Variants in DERL3 observed in about 807,000 individuals in gnomAD.
The protein encoded by DERL3 is derlin-3.
In DERL3, 20 loss-of-function variants were observed where a neutral mutation model predicts 23.8. The ratio of observed to expected loss-of-function variants is 0.84; its 90% confidence interval spans 0.59 to 1.22. The LOEUF (loss-of-function observed/expected upper bound fraction) is 1.22, where lower values mean the gene tolerates loss of function less well. Among genes scored for constraint, DERL3 ranks in the 50% most tolerant of loss-of-function variants. The pLI is 0.00. For synonymous variants in DERL3, 145 were observed against 132.5 expected (o/e 1.09, Z -0.65); for missense variants, 319 against 304.1 (o/e 1.05, Z -0.36).
In DERL3 at chr22:23,838,340, C is replaced by A. The variant is rs770740955; in HGVS notation, c.327+12G>T. On this transcript the variant is annotated intron_variant, in intron 4 of 6. Transcript: ENST00000318109. ...CCCTAGCCCGAGGTTCCAGAGCCTG[C>A]GGGAAGGATACGGTCATAAGGACGC... 2 of 1,594,026 alleles carry A rather than the reference C, an allele frequency of 1.3e-6. No homozygotes were observed. The highest frequency in any genetic ancestry group is 2.3e-5 in the East Asian group (1 of 43,534).
At position 23,837,775 on chromosome 22, in the gene DERL3, C is replaced by A; in HGVS notation, c.407G>T (p.Ser136Ile). Residue 136 changes from serine to isoleucine, a missense_variant, in exon 5 of 7, where the codon AGC (serine) becomes ATC (isoleucine). By Grantham distance (142) the Ser-to-Ile change is moderately radical. Coordinates refer to ENST00000318109, the MANE Select transcript of DERL3 (RefSeq NM_001002862.3). The stretch of plus-strand genomic sequence containing the variant: ...GAAGAAGTTGACCCTCACCCGAGGG[C>A]TGCGGCGGCTCCACACGTACACCAG... ...AMLVYVWSRRSPRVRVNFFGL... is the reference protein window; with the variant it reads ...AMLVYVWSRRIPRVRVNFFGL... 1 of 1,613,968 alleles carries A rather than the reference C, an allele frequency of 6.2e-7. No homozygotes were observed. The highest frequency in any genetic ancestry group is 8.5e-7 in the Non-Finnish European group (1 of 1,180,018).
At position 23,835,527 on chromosome 22, in the gene DERL3, A is replaced by G. The variant is rs1240671631; in HGVS notation, c.*1342T>C. On this transcript the variant is annotated 3_prime_UTR_variant, in exon 7 of 7. Transcript: ENST00000318109. ...GTGAGAGGAGGGCTCCTTTGAGCAC[A>G]TGTTAGCATGGGACTCTTCCCAGGG... The G allele has an allele frequency of 5.1e-6, 5 of 985,404 alleles. No individual in the cohort carries two copies. In the African/African-American group the frequency reaches 5.2e-5, roughly 10 times the overall value. The allele number at this position is 985,404 out of a possible 1,614,324, so 61.0% of individuals were successfully genotyped here.
rs115165904 is a variant in DERL3, at chr22:23,835,385, T to C, written c.*1484A>G. On this transcript the variant is annotated 3_prime_UTR_variant, in exon 7 of 7. Transcript: ENST00000318109. Reference sequence around the variant, plus strand: ...CACCCTCAGCTGTTGGCAGGTCCCATGCTGCCAGGGCAGGGCTAGGGTCAG... The same window carrying C: ...CACCCTCAGCTGTTGGCAGGTCCCACGCTGCCAGGGCAGGGCTAGGGTCAG... 3,039 of 988,794 alleles carry C rather than the reference T, an allele frequency of 3.1e-3. 78 individuals are homozygous for C. The African/African-American group carries it at 0.049, about 16-fold the overall frequency. The allele number at this position is 988,794 out of a possible 1,614,324, so 61.3% of individuals were successfully genotyped here.
chr22:23,838,258 C>G, intron 4 of DERL3, 94 bp downstream of exon 4: 1 of 1,551,656 alleles, frequency 6.4e-7, no homozygotes, highest in Non-Finnish European at 8.7e-7. Context: ...GCGACTGTGT[C>G]CCTCTCTGGC....
Position 23,835,093 on chromosome 22 carries a change from G to A in DERL3, c.*1776C>T. The stretch of plus-strand genomic sequence containing the variant: ...GGGCCAGCTCCTGCCTTACAAGCCA[G>A]CTGTGAGGAATATGGGAATAGCCCT... On this transcript the variant is annotated 3_prime_UTR_variant, in exon 7 of 7. Transcript: ENST00000318109. 7.2e-7 allele frequency: 1 copy of A among 1,397,674 alleles called. No homozygotes were observed. Among genetic ancestry groups the A allele is most frequent in the Non-Finnish European group, 9.3e-7 (1 of 1,079,120 alleles). 86.6% of individuals were successfully genotyped at this position (1,397,674 alleles called of 1,614,324 possible).
rs753587193 is a variant in DERL3, at chr22:23,838,698, G to C, written c.159+13C>G. 1 of 1,548,802 alleles carries C rather than the reference G, an allele frequency of 6.5e-7. No individual in the cohort carries two copies. The highest frequency in any genetic ancestry group is 8.7e-7 in the Non-Finnish European group (1 of 1,145,914). ...GGTCGGGCCCACAGGTGCGCGGCGC[G>C]GGGCGGCCTCACCTGGAACTTCCGG... is the stretch of plus-strand genomic sequence containing the variant. On this transcript the variant is annotated intron_variant, in intron 2 of 6. Transcript: ENST00000318109.
intron 4 of DERL3, chr22:23,838,063 A>G: frequency 2.1e-6 from 3 of 1,455,120 alleles, no homozygotes; most frequent in Non-Finnish European, 2.7e-6. Flanking sequence ...CCAGGGCCCA[A>G]CCACTGCCTG....
At position 23,834,825 on chromosome 22, in the gene DERL3, C is replaced by T. The variant is rs2030908000; in HGVS notation, c.*2044G>A. 8 of 1,610,398 alleles carry T rather than the reference C, an allele frequency of 5.0e-6. No homozygotes were observed. The highest frequency in any genetic ancestry group is 1.1e-5 in the South Asian group (1 of 90,696). On this transcript the variant is annotated 3_prime_UTR_variant, in exon 7 of 7. Coordinates refer to ENST00000318109, the MANE Select transcript of DERL3 (RefSeq NM_001002862.3). ...CCCTAACCCTGCTCCCCTTGCTTGG[C>T]CTCAGGAAGGTGCCGCGAGCTCTCC... is the stretch of plus-strand genomic sequence containing the variant.
rs2031256741 is a variant in DERL3 at position 23,838,180 on chromosome 22, G to A, written c.327+172C>T. On this transcript the variant is annotated intron_variant, in intron 4 of 6. Coordinates refer to ENST00000318109, the MANE Select transcript of DERL3 (RefSeq NM_001002862.3). Reference sequence around the variant, plus strand: ...GGCTTTGTATTTTGCATACAGCACTGAAGATCTAGCCCTGACCCCTGCAGC... The same window carrying A: ...GGCTTTGTATTTTGCATACAGCACTAAAGATCTAGCCCTGACCCCTGCAGC... The A allele has an allele frequency of 7.8e-6, 12 of 1,544,808 alleles. No individual in the cohort carries two copies. The Middle Eastern group carries it at 5.0e-4, about 64-fold the overall frequency.
chr22:23,834,774 AG>A lies in DERL3; in HGVS notation c.*2094del, dbSNP rs2030901825. The A allele has an allele frequency of 7.4e-7, 1 of 1,346,574 alleles. No individual in the cohort carries two copies. The highest frequency in any genetic ancestry group is 9.7e-7 in the Non-Finnish European group (1 of 1,033,612). The allele number at this position is 1,346,574 out of a possible 1,614,324, so 83.4% of individuals were successfully genotyped here. A position where few individuals can be genotyped will look rare whatever the true frequency, so the allele number is the denominator to read the frequency against. ...AAGAGTAGCTGTGAGGCTCAGGGCA[AG>A]AGGCTCTCTGCCTTTCAGGAACAGC... On this transcript the variant is annotated 3_prime_UTR_variant, in exon 7 of 7. Coordinates refer to ENST00000318109, the MANE Select transcript of DERL3 (RefSeq NM_001002862.3).
Position 23,836,956 on chromosome 22 carries a change from CAG to C in DERL3, c.619_620del (p.Leu207AlafsTer16). Reference sequence around the variant, plus strand: ...GGTCTTCTGCAGGGGCATCCAGGAGCAGCTTTCTGTGGGGAGGGGCCCGTGTT... The same window carrying C: ...GGTCTTCTGCAGGGGCATCCAGGAGCCTTTCTGTGGGGAGGGGCCCGTGTT... Reference protein sequence around the residue: ...RLLQTPGFLKLLLDAPAEDPN... With the variant: ...RLLQTPGFLKXLLDAPAEDPN... On this transcript the variant is annotated frameshift_variant, in exon 7 of 7. Coordinates refer to ENST00000318109, the MANE Select transcript of DERL3 (RefSeq NM_001002862.3). LOFTEE classifies it low-confidence loss of function (END_TRUNC). The C allele has an allele frequency of 6.3e-7, 1 of 1,595,702 alleles. No homozygotes were observed. Among genetic ancestry groups the C allele is most frequent in the Non-Finnish European group, 8.5e-7 (1 of 1,171,608 alleles).
Position 23,835,939 on chromosome 22 carries a change from A to G in DERL3, c.*930T>C. 1.0e-6 allele frequency: 1 copy of G among 985,494 alleles called. No individual in the cohort carries two copies. Among genetic ancestry groups the G allele is most frequent in the Non-Finnish European group, 1.2e-6 (1 of 829,952 alleles). The allele number at this position is 985,494 out of a possible 1,614,324, so 61.0% of individuals were successfully genotyped here. A position where few individuals can be genotyped will look rare whatever the true frequency, so the allele number is the denominator to read the frequency against. On this transcript the variant is annotated 3_prime_UTR_variant, in exon 7 of 7. Transcript: ENST00000318109. The stretch of plus-strand genomic sequence containing the variant: ...TGGCTACAACACGGAGGGCAGACTC[A>G]ACAGAGAACAGTGTTGTTACCATGA...
rs751848498 is a variant in DERL3, at chr22:23,837,173, CTG to C, written c.524-21_524-20del. The C allele has an allele frequency of 1.9e-6, 3 of 1,613,038 alleles. No homozygotes were observed. ...GCAATCCCTGTGAGACAGCCACGGACTGTGGGGTCACCCTCCACAGCCCAGAG... is the reference window on the plus strand; with the variant it reads ...GCAATCCCTGTGAGACAGCCACGGACTGGGGTCACCCTCCACAGCCCAGAG... On this transcript the variant is annotated intron_variant, in intron 5 of 6. Coordinates refer to ENST00000318109, the MANE Select transcript of DERL3 (RefSeq NM_001002862.3).
rs2031002530 is a variant in DERL3, at chr22:23,835,829, C to T, written c.*1040G>A. The T allele has an allele frequency of 1.0e-6, 1 of 985,260 alleles. No homozygotes were observed. 61.0% of individuals were successfully genotyped at this position (985,260 alleles called of 1,614,324 possible). On this transcript the variant is annotated 3_prime_UTR_variant, in exon 7 of 7. Coordinates refer to ENST00000318109, the MANE Select transcript of DERL3 (RefSeq NM_001002862.3). The stretch of plus-strand genomic sequence containing the variant: ...GCCTCACCCCACAGGTCGGGCAGGG[C>T]CACCTGGCTGGGAGGTGCCGGGAAG...
In DERL3 at chr22:23,839,002, C is replaced by A; in HGVS notation, c.-15G>T. The A allele has an allele frequency of 6.4e-7, 1 of 1,552,072 alleles. No individual in the cohort carries two copies. Among genetic ancestry groups the A allele is most frequent in the Non-Finnish European group, 8.7e-7 (1 of 1,148,084 alleles). Reference sequence around the variant, plus strand: ...TGCCACGCCATTGAACCTTCTCAAGCACGCGTGGCCCAGCCAGCAACGCGC... The same window carrying A: ...TGCCACGCCATTGAACCTTCTCAAGAACGCGTGGCCCAGCCAGCAACGCGC... On this transcript the variant is annotated 5_prime_UTR_variant, in exon 1 of 7. Transcript: ENST00000318109.
chr22:23,834,752 A>AG lies in DERL3; in HGVS notation c.*2116dup. On this transcript the variant is annotated 3_prime_UTR_variant, in exon 7 of 7. Transcript: ENST00000318109. ...CTTCCAGACCCAGAGAGCTGAGAAG[A>AG]GTAGCTGTGAGGCTCAGGGCAAGAG... 1.4e-6 allele frequency: 2 copies of AG among 1,473,456 alleles called. No individual in the cohort carries two copies. The highest frequency in any genetic ancestry group is 1.8e-4 in the Middle Eastern group (1 of 5,626). 91.3% of individuals were successfully genotyped at this position (1,473,456 alleles called of 1,614,324 possible). A position where few individuals can be genotyped will look rare whatever the true frequency, so the allele number is the denominator to read the frequency against.
Position 23,838,931 on chromosome 22 carries a change from A to C in DERL3, c.57T>G (p.Ala19=), listed in dbSNP as rs377378094. The C allele has an allele frequency of 5.7e-6, 9 of 1,579,138 alleles. No individual in the cohort carries two copies. In the South Asian group the frequency reaches 9.2e-5, roughly 16 times the overall value. ...TGGTGAGGACACAGGCTGCGGTGTA[A>C]GCCCGCGTCACCGCCGGCACCTGCA... ...EFLQVPAVTR[A]YTAACVLTTA... is the part of the protein sequence containing the mutation. The change falls in exon 1 of 7, where the codon GCT becomes GCG. Residue 19 remains alanine (A), a synonymous_variant. Transcript: ENST00000318109.
Position 23,836,935 on chromosome 22 carries a change from TTC to T in DERL3, c.640_641del (p.Glu214ArgfsTer9). The T allele has an allele frequency of 6.4e-7, 1 of 1,571,630 alleles. No individual in the cohort carries two copies. Among genetic ancestry groups the T allele is most frequent in the Non-Finnish European group, 8.6e-7 (1 of 1,160,412 alleles). On this transcript the variant is annotated frameshift_variant, in exon 7 of 7. Transcript: ENST00000318109. LOFTEE classifies it high-confidence loss of function. ...FLKLLLDAPA[E>X]DPNYLPLPEE... is the part of the protein sequence containing the mutation. ...CAGGGAGGGGCAGGTAATTGGGGTC[TTC>T]TGCAGGGGCATCCAGGAGCAGCTTT... is the stretch of plus-strand genomic sequence containing the variant.
intron 5 of DERL3, chr22:23,837,457 TC>T (rs1341386423): frequency 2.9e-5 from 19 of 662,970 alleles, no homozygotes; most frequent in African/African-American, 2.5e-4. Context: ...CATCAGTAGA[TC>T]CGTCCTGACG....
Sources: gnomAD v4.1 joint callset for allele counts on GRCh38, gnomAD v4.1.1 for gene constraint, MANE v1.5 for transcripts, NCBI Gene and HGNC (gene_info 2026-07-23, HGNC 2026-07-21) for gene names.